The following MCTP1 variants were observed in gnomAD, a reference collection of about 807,000 sequenced individuals.
The protein encoded by MCTP1 is multiple C2 and transmembrane domain containing 1, also known as multiple C2 and transmembrane domain-containing protein 1.
A neutral mutation model predicts 120.6 loss-of-function variants in MCTP1; 69 were observed. The ratio of observed to expected loss-of-function variants is 0.57; its 90% CI spans 0.47 to 0.70. The LOEUF (loss-of-function observed/expected upper bound fraction) is 0.70. Among genes scored for constraint, MCTP1 ranks in the 30% least tolerant of loss-of-function variants. The pLI, the probability that MCTP1 is intolerant of heterozygous loss-of-function variation, is 0.00. For synonymous variants in MCTP1, 529 were observed against 493.1 expected (o/e 1.07, Z -0.96); for missense variants, 1,203 against 1,248.8 (o/e 0.96, Z 0.55).
At chr5:95,091,223 C>T (rs917412726) in intron 1 of MCTP1, among the ~76,000 whole-genome samples, 9 of 152,194 alleles carry the variant, frequency 5.9e-5, no homozygotes, top group African/African-American at 2.2e-4. Context: ...GCCAATTGTT[C>T]TCCGAGGCTT....
At chr5:94,852,703 T>A (rs183848838) in intron 17 of MCTP1, among the ~76,000 whole-genome samples, 2,384 of 152,102 alleles carry the variant, frequency 0.016, 41 homozygotes, top group Non-Finnish European at 0.021. Context: ...TTAACATTTT[T>A]AAAATGTATC....
chr5:95,219,684 A>G (rs1753468639), intron 1 of MCTP1, among the ~76,000 whole-genome samples: 1 of 152,216 alleles, frequency 6.6e-6, no homozygotes, highest in Non-Finnish European at 1.5e-5. Flanking sequence ...AGTCAAACAA[A>G]TGTAAACATA....
intron 1 of MCTP1, chr5:95,154,351 C>T (rs866159391): frequency 6.6e-6 from 1 of 152,132 alleles, no homozygotes; most frequent in Non-Finnish European, 1.5e-5. Flanking sequence ...CCAACAGAAA[C>T]CTGAGGCCAA....
At chr5:94,962,886 C>T (rs1015761634) in intron 2 of MCTP1, among the ~76,000 whole-genome samples, 2 of 152,026 alleles carry the variant, frequency 1.3e-5, no homozygotes, top group African/African-American at 2.4e-5. Context: ...GAAATAGATA[C>T]ATAATAAATC....
At chr5:94,858,096 TTAATCAATA>T (rs1795045627) in intron 17 of MCTP1, among the ~76,000 whole-genome samples, 1 of 151,678 alleles carries the variant, frequency 6.6e-6, no homozygotes. Context: ...TAGCTACCAT[TTAATCAATA>T]TAGATCAATA....
chr5:94,847,337 T>C (rs1157736329), intron 17 of MCTP1, among the ~76,000 whole-genome samples: 1 of 152,158 alleles, frequency 6.6e-6, no homozygotes, highest in Non-Finnish European at 1.5e-5. Context: ...TTTATTCTTT[T>C]AGCTGTTAAA....
chr5:95,123,649 T>G (rs1758399057), intron 1 of MCTP1, among the ~76,000 whole-genome samples: 1 of 78,342 alleles, frequency 1.3e-5, no homozygotes, highest in South Asian at 3.7e-4. Context: ...TAACAAGCTC[T>G]GCTTTTTTTT....
intron 1 of MCTP1, among the ~76,000 whole-genome samples, chr5:95,188,859 G>A (rs939264562): frequency 1.3e-5 from 2 of 152,076 alleles, no homozygotes; most frequent in African/African-American, 4.8e-5. Context: ...AATAACATCA[G>A]TAGATGATAA....
chr5:95,236,389 T>C (rs149572257), intron 1 of MCTP1, among the ~76,000 whole-genome samples: 10 of 152,318 alleles, frequency 6.6e-5, no homozygotes, highest in African/African-American at 2.4e-4. Context: ...CTGCACTTTC[T>C]TCCTAAACGC....
rs1561780009 is a variant in MCTP1 at position 94,870,874 on chromosome 5, C to G, written c.2239G>C (p.Ala747Pro). 6.2e-7 allele frequency: 1 copy of G among 1,605,918 alleles called. No individual in the cohort carries two copies. Among genetic ancestry groups the G allele is most frequent in the African/African-American group, 1.3e-5 (1 of 74,788 alleles). ...IYLEIDVIFNAVKASLRTLIP... is the reference protein window; with the variant it reads ...IYLEIDVIFNPVKASLRTLIP... Reference sequence around the variant, plus strand: ...AAAAAGCCAAAGTTAAGACTTACAGCATTAAAAATCACATCTATTTCAAGA... The same window carrying G: ...AAAAAGCCAAAGTTAAGACTTACAGGATTAAAAATCACATCTATTTCAAGA... Residue 747 changes from alanine to proline, a missense_variant and splice_region_variant, in exon 15 of 23, where the codon GCT becomes CCT. By Grantham distance (27) the Ala-to-Pro change is conservative (BLOSUM62 -1). Coordinates refer to ENST00000515393, the MANE Select transcript of MCTP1 (RefSeq NM_024717.7).
In MCTP1 at chr5:95,247,034, G is replaced by C. The variant is rs182662071; in HGVS notation, c.720+36822C>G. Among the ~76,000 whole-genome samples the C allele has an allele frequency of 2.7e-3, 412 of 152,126 alleles. 3 individuals are homozygous for C. The highest frequency in any genetic ancestry group is 4.4e-3 in the Non-Finnish European group (296 of 67,976). ...TCCATTTGGTCCTAGACTTTTTTTGGTTGGTAAGCTATTAATTATTGCCTC... is the reference window on the plus strand; with the variant it reads ...TCCATTTGGTCCTAGACTTTTTTTGCTTGGTAAGCTATTAATTATTGCCTC... On this transcript the variant is annotated intron_variant, in intron 1 of 22. Coordinates refer to ENST00000515393, the MANE Select transcript of MCTP1 (RefSeq NM_024717.7).
intron 1 of MCTP1, among the ~76,000 whole-genome samples, chr5:95,168,629 T>G (rs1000842791): frequency 5.3e-4 from 80 of 152,332 alleles, no homozygotes; most frequent in African/African-American, 1.8e-3. Flanking sequence ...CCTTGTAAGG[T>G]GGATTCCTAG....
chr5:94,844,301 C>CAAAAAAAAAAAAAAAAAAAAAAAA (rs59169145), intron 17 of MCTP1, among the ~76,000 whole-genome samples: 75 of 79,610 alleles, frequency 9.4e-4, no homozygotes, highest in Non-Finnish European at 1.3e-3. Context: ...GACTCTGTCT[C>CAAAAAAAAAAAAAAAAAAAAAAAA]AAAAAAAAAA....
chr5:95,066,393 G>T (rs1750669113), intron 1 of MCTP1, among the ~76,000 whole-genome samples: 1 of 152,190 alleles, frequency 6.6e-6, no homozygotes, highest in African/African-American at 2.4e-5. Flanking sequence ...CATACACACT[G>T]TTGATGGGAA....
intron 2 of MCTP1, among the ~76,000 whole-genome samples, chr5:94,983,668 A>AATCTATCTATCT (rs57481277): frequency 2.7e-3 from 401 of 150,778 alleles, no homozygotes; most frequent in African/African-American, 9.4e-3. Context: ...TCTGTCTGTC[A>AATCTATCTATCT]ATCTATCTAT....
At chr5:94,838,183 C>G (rs1208064960) in intron 17 of MCTP1, among the ~76,000 whole-genome samples, 1 of 152,196 alleles carries the variant, frequency 6.6e-6, no homozygotes, top group Non-Finnish European at 1.5e-5. Flanking sequence ...GAAGCAACAG[C>G]AACAGCCATC....
At chr5:95,031,077 T>A (rs1379376245) in intron 1 of MCTP1, among the ~76,000 whole-genome samples, 1 of 150,424 alleles carries the variant, frequency 6.6e-6, no homozygotes, top group Non-Finnish European at 1.5e-5. Context: ...ATTATCTGAG[T>A]CAGACAAAAA....
intron 10 of MCTP1, among the ~76,000 whole-genome samples, chr5:94,897,384 T>C (rs1223680562): frequency 6.6e-6 from 1 of 151,780 alleles, no homozygotes; most frequent in Non-Finnish European, 1.5e-5. Context: ...TGAGACAGAG[T>C]CTCATACTAT....
At chr5:94,876,021 G>C (rs939814765) in intron 12 of MCTP1, among the ~76,000 whole-genome samples, 22 of 152,188 alleles carry the variant, frequency 1.4e-4, no homozygotes, top group Middle Eastern at 3.4e-3. Flanking sequence ...AAAATTAACA[G>C]CAATTTCAAC....
Sources: gnomAD v4.1 joint callset for allele counts (sites outside exome capture counted in the v4.1 genomes callset) on GRCh38, gnomAD v4.1.1 for gene constraint, MANE v1.5 for transcripts, NCBI Gene and HGNC (gene_info 2026-07-23, HGNC 2026-07-21) for gene names.